Variants in BIN1 observed in about 807,000 individuals in gnomAD.
BIN1 encodes the protein bridging integrator 1, also known as myc box-dependent-interacting protein 1.
In BIN1, 53 loss-of-function variants were observed where a neutral mutation model predicts 82.0. The ratio of observed to expected loss-of-function variants is 0.65; its 90% CI spans 0.52 to 0.81. The LOEUF is 0.81. Among genes scored for constraint, BIN1 ranks in the 40% least tolerant of loss-of-function variants. BIN1 has a pLI of 0.00. For synonymous variants in BIN1, 302 were observed against 328.0 expected, an observed-to-expected ratio of 0.92 and a Z score of 0.86; for missense variants, 642 against 784.4, an observed-to-expected ratio of 0.82 and a Z score of 2.17.
At chr2:127,050,713 G>T (rs556315073) in intron 17 of BIN1, 89 bp downstream of exon 17, 19 of 1,489,044 alleles carry the variant, frequency 1.3e-5, no homozygotes. Context: ...CACAACTTTG[G>T]GCAAACCACA....
chr2:127,069,113 G>T (rs950586368), intron 5 of BIN1, 82 bp from the exon 6 acceptor site: 1 of 1,315,160 alleles, frequency 7.6e-7, no homozygotes, highest in East Asian at 2.4e-5. Flanking sequence ...GGAGGGACCC[G>T]CAGGGCGGGC....
At chr2:127,054,297 A>G (rs560724445) in intron 12 of BIN1, 12 of 468,408 alleles carry the variant, frequency 2.6e-5, no homozygotes, top group South Asian at 2.1e-4. Context: ...TCCCAGTCAT[A>G]GGTCCGCCCG....
intron 1 of BIN1, among the ~76,000 whole-genome samples, chr2:127,085,423 C>T (rs1438889622): frequency 2.0e-5 from 3 of 152,202 alleles, no homozygotes; most frequent in African/African-American, 7.2e-5. Context: ...GCAGCACAAG[C>T]TCGGCCATGT....
chr2:127,052,498 G>A, intron 14 of BIN1, 136 bp from the exon 15 acceptor site: 1 of 752,166 alleles, frequency 1.3e-6, no homozygotes, highest in Non-Finnish European at 2.2e-6. Context: ...TACCAGCGGA[G>A]CCCGGCCAGC....
intron 1 of BIN1, among the ~76,000 whole-genome samples, chr2:127,092,997 A>AG (rs1242145263): frequency 2.6e-5 from 4 of 152,100 alleles, no homozygotes; most frequent in Non-Finnish European, 5.9e-5. Flanking sequence ...AAAAAAAAAA[A>AG]AAAATCCCAG....
intron 1 of BIN1, among the ~76,000 whole-genome samples, chr2:127,100,239 G>A (rs144308744): frequency 3.3e-5 from 5 of 152,290 alleles, no homozygotes; most frequent in African/African-American, 1.2e-4. Flanking sequence ...AGAAACCCCA[G>A]GTGTTCCCAT....
chr2:127,078,630 A>G (rs1282062283), intron 1 of BIN1, among the ~76,000 whole-genome samples: 1 of 152,160 alleles, frequency 6.6e-6, no homozygotes, highest in Non-Finnish European at 1.5e-5. Flanking sequence ...CTGCAGCTGG[A>G]TGCCAAGGGC....
At chr2:127,050,578 A>G in intron 17 of BIN1, 56 bp from the exon 18 acceptor site, 2 of 1,587,218 alleles carry the variant, frequency 1.3e-6, no homozygotes, top group Non-Finnish European at 1.7e-6. Context: ...AGCCCTGCAC[A>G]GAGCACGGGC....
chr2:127,061,333 C>G (rs1370983708), intron 10 of BIN1, among the ~76,000 whole-genome samples: 2 of 152,128 alleles, frequency 1.3e-5, no homozygotes, highest in Non-Finnish European at 2.9e-5. Context: ...GCAATCACCA[C>G]CACCCGATAC....
At chr2:127,065,684 G>C (rs1685072767) in intron 7 of BIN1, among the ~76,000 whole-genome samples, 1 of 152,160 alleles carries the variant, frequency 6.6e-6, no homozygotes, top group East Asian at 1.9e-4. Context: ...CAACTCCCCA[G>C]ATGGCAACGG....
chr2:127,081,815 A>G, intron 1 of BIN1: 1 of 1,286,676 alleles, frequency 7.8e-7, no homozygotes, highest in Non-Finnish European at 1.0e-6. Context: ...ACCCCAGAAA[A>G]CGCATAAGGC....
chr2:127,074,276 G>T (rs898526551), intron 2 of BIN1, among the ~76,000 whole-genome samples: 32 of 151,806 alleles, frequency 2.1e-4, no homozygotes, highest in African/African-American at 7.8e-4. Flanking sequence ...ATTCCTTCCT[G>T]GTCCCCACAC....
intron 1 of BIN1, among the ~76,000 whole-genome samples, chr2:127,079,267 G>C (rs997516255): frequency 6.6e-6 from 1 of 152,238 alleles, no homozygotes; most frequent in African/African-American, 2.4e-5. Context: ...AAAAGGGACA[G>C]CTACTCTCTG....
chr2:127,070,437 A>T (rs193129834), intron 4 of BIN1, 116 bp downstream of exon 4: 4 of 1,277,242 alleles, frequency 3.1e-6, no homozygotes, highest in Non-Finnish European at 4.5e-6. Flanking sequence ...CAGGGCACAC[A>T]GCACGCGAAT....
At position 127,078,822 on chromosome 2, in the gene BIN1, G is replaced by A. The variant is rs1183921807; in HGVS notation, c.85-2116C>T. ...CCGGCTCTGCAAAGAGCTTGGGTAGGTGACTCAGCCCCTCTGCTCAGGCAC... is the reference window on the plus strand; with the variant it reads ...CCGGCTCTGCAAAGAGCTTGGGTAGATGACTCAGCCCCTCTGCTCAGGCAC... On this transcript the variant is annotated intron_variant, in intron 1 of 18. Coordinates refer to ENST00000316724, the MANE Select transcript of BIN1 (RefSeq NM_139343.3). Among the ~76,000 whole-genome samples the A allele has an allele frequency of 2.6e-5, 4 of 152,082 alleles. No homozygotes were observed. The South Asian group carries it at 6.2e-4, about 24-fold the overall frequency.
Position 127,050,513 on chromosome 2 carries a change from G to T in BIN1, c.1582C>A (p.Gln528Lys), listed in dbSNP as rs1682777250. The change falls in exon 18 of 19, where the codon CAG becomes AAG. Residue 528 changes from glutamine to lysine, a missense_variant. Transcript: ENST00000316724. Reference sequence around the variant, plus strand: ...GTGTCAGTGGCCGTGTAGTCGTGCTGGGCCTGTACCTGCAGAGGATGCGGA... The same window carrying T: ...GTGTCAGTGGCCGTGTAGTCGTGCTTGGCCTGTACCTGCAGAGGATGCGGA... ...PPGFMFKVQA[Q>K]HDYTATDTDE... The T allele has an allele frequency of 2.5e-6, 4 of 1,614,106 alleles. No homozygotes were observed. Among genetic ancestry groups the T allele is most frequent in the Non-Finnish European group, 3.4e-6 (4 of 1,180,050 alleles).
intron 1 of BIN1, among the ~76,000 whole-genome samples, chr2:127,086,584 C>T (rs1248021754): frequency 6.6e-6 from 1 of 151,412 alleles, no homozygotes; most frequent in Non-Finnish European, 1.5e-5. Flanking sequence ...CTCGGCTCAC[C>T]GCAACCTCTG....
At chr2:127,062,008 A>T in intron 10 of BIN1, 107 bp downstream of exon 10, 1 of 1,341,328 alleles carries the variant, frequency 7.5e-7, no homozygotes, top group Admixed American at 2.0e-5. Flanking sequence ...TAGACCCCCA[A>T]GGCCAAACCC....
At chr2:127,078,662 A>G (rs1359512440) in intron 1 of BIN1, among the ~76,000 whole-genome samples, 1 of 152,092 alleles carries the variant, frequency 6.6e-6, no homozygotes, top group Non-Finnish European at 1.5e-5. Context: ...TGAGAGAAAA[A>G]CCAAAACAAA....
Sources: gnomAD v4.1 joint callset for allele counts (sites outside exome capture counted in the v4.1 genomes callset) on GRCh38, gnomAD v4.1.1 for gene constraint, MANE v1.5 for transcripts, NCBI Gene and HGNC (gene_info 2026-07-23, HGNC 2026-07-21) for gene names.